The following TSPAN18 variants were observed in gnomAD, a reference collection of about 807,000 sequenced individuals.
TSPAN18 encodes tetraspanin-18.
A neutral mutation model predicts 27.3 loss-of-function variants in TSPAN18; 14 were observed. The observed-to-expected ratio is 0.51, with a 90% CI of 0.34 to 0.80. The LOEUF is 0.80. Among genes scored for constraint, TSPAN18 ranks in the 30% least tolerant of loss-of-function variants. TSPAN18 has a pLI of 0.01. For missense variants in TSPAN18, 268 were observed against 323.9 expected (o/e 0.83, Z 1.32); for synonymous variants, 143 against 136.5 (o/e 1.05, Z -0.33).
intron 3 of TSPAN18, among the ~76,000 whole-genome samples, chr11:44,861,922 C>G (rs146791980): frequency 6.6e-6 from 1 of 152,154 alleles, no homozygotes; most frequent in Non-Finnish European, 1.5e-5. Context: ...AGAGTCCCTG[C>G]ACTCTCTGAT....
intron 8 of TSPAN18, among the ~76,000 whole-genome samples, chr11:44,923,598 C>T (rs952858332): frequency 3.3e-5 from 5 of 152,176 alleles, no homozygotes; most frequent in Non-Finnish European, 1.5e-5. Context: ...GAGGAAAGAC[C>T]GGGAATTTGG....
chr11:44,742,021 C>T (rs1854948627), intron 1 of TSPAN18, among the ~76,000 whole-genome samples: 1 of 150,530 alleles, frequency 6.6e-6, no homozygotes, highest in Admixed American at 6.6e-5. Flanking sequence ...CAATGCCCAG[C>T]AATCCAACCG....
rs71894571 is a variant in TSPAN18, at chr11:44,749,632, C to CTTTTTTT, written c.-239-14778_-239-14772dup. Among the ~76,000 whole-genome samples, 189 of 110,416 alleles carry CTTTTTTT rather than the reference C, an allele frequency of 1.7e-3. 3 individuals carry two copies. The highest frequency in any genetic ancestry group is 6.6e-3 in the African/African-American group (173 of 26,304). The allele number at this position is 110,416 out of a possible 152,430, so 72.4% of individuals were successfully genotyped here. ...TTGTAGCCACAGAACGTGGAACTTT[C>CTTTTTTT]TTTTTTTTTTTTTTTTTTTTTTGAG... On this transcript the variant is annotated intron_variant, in intron 1 of 9. Coordinates refer to ENST00000520358, the MANE Select transcript of TSPAN18 (RefSeq NM_130783.5).
chr11:44,828,385 C>G (rs564005392), intron 2 of TSPAN18, among the ~76,000 whole-genome samples: 1 of 152,258 alleles, frequency 6.6e-6, no homozygotes, highest in East Asian at 1.9e-4. Context: ...CTTCCATGAG[C>G]TGGCTGGAGG....
intron 2 of TSPAN18, among the ~76,000 whole-genome samples, chr11:44,788,456 CTTT>C (rs11458938): frequency 4.7e-5 from 6 of 126,786 alleles, no homozygotes; most frequent in Admixed American, 8.2e-5. Flanking sequence ...CTTTTTTTCT[CTTT>C]TTTTTTTTTT....
At chr11:44,824,764 T>G (rs835825) in intron 2 of TSPAN18, among the ~76,000 whole-genome samples, 97 of 152,222 alleles carry the variant, frequency 6.4e-4, no homozygotes, top group African/African-American at 2.3e-3. Flanking sequence ...GTGGCTGTTA[T>G]TGTTGAGATA....
At chr11:44,754,732 T>C (rs557300399) in intron 1 of TSPAN18, among the ~76,000 whole-genome samples, 6 of 152,332 alleles carry the variant, frequency 3.9e-5, no homozygotes, top group South Asian at 2.1e-4. Flanking sequence ...GATGCCTGAC[T>C]CCTCTGAGCT....
At chr11:44,899,559 G>A (rs1859182582) in intron 3 of TSPAN18, among the ~76,000 whole-genome samples, 2 of 152,218 alleles carry the variant, frequency 1.3e-5, no homozygotes, top group Non-Finnish European at 2.9e-5. Context: ...GAGAGCAGCT[G>A]GGAGGAGCCA....
At chr11:44,884,595 G>T (rs1316746978) in intron 3 of TSPAN18, among the ~76,000 whole-genome samples, 1 of 152,152 alleles carries the variant, frequency 6.6e-6, no homozygotes, top group African/African-American at 2.4e-5. Context: ...CAGGAGTCAC[G>T]GCCAGAGCTC....
intron 2 of TSPAN18, among the ~76,000 whole-genome samples, chr11:44,829,760 ACT>A (rs1289017790): frequency 6.6e-6 from 1 of 151,846 alleles, no homozygotes; most frequent in Non-Finnish European, 1.5e-5. Context: ...AAGCTGCTAA[ACT>A]CTCTTCCAAA....
intron 2 of TSPAN18, among the ~76,000 whole-genome samples, chr11:44,792,756 G>A (rs190603928): frequency 2.9e-4 from 44 of 152,318 alleles, no homozygotes; most frequent in East Asian, 7.7e-4. Flanking sequence ...TCCACCCCGG[G>A]GAAGTAGCCT....
At chr11:44,810,917 A>G (rs142928122) in intron 2 of TSPAN18, among the ~76,000 whole-genome samples, 211 of 152,232 alleles carry the variant, frequency 1.4e-3, no homozygotes, top group African/African-American at 5.0e-3. Context: ...CCTGTTTTCA[A>G]TTCTTTTGAG....
At chr11:44,861,725 T>C (rs960370833) in intron 3 of TSPAN18, among the ~76,000 whole-genome samples, 2 of 150,860 alleles carry the variant, frequency 1.3e-5, no homozygotes, top group African/African-American at 4.9e-5. Flanking sequence ...CTGTGATTTA[T>C]GGTACCAGGG....
In TSPAN18 at chr11:44,930,505, A is replaced by G. The variant is rs1037348577; in HGVS notation, c.*1327A>G. 14 of 241,826 alleles carry G rather than the reference A, an allele frequency of 5.8e-5. No homozygotes were observed. Among genetic ancestry groups the G allele is most frequent in the African/African-American group, 1.8e-4 (8 of 43,664 alleles). 15.0% of individuals were successfully genotyped at this position (241,826 alleles called of 1,614,324 possible). On this transcript the variant is annotated 3_prime_UTR_variant, in exon 10 of 10. Transcript: ENST00000520358. ...AAAGAATCCCGAAGGCATCGAGGCC[A>G]TTTCTGCTGCAACAAGGTTTCCTGT...
intron 2 of TSPAN18, among the ~76,000 whole-genome samples, chr11:44,846,189 A>C (rs548051531): frequency 1.3e-5 from 2 of 152,360 alleles, no homozygotes; most frequent in South Asian, 4.1e-4. Flanking sequence ...TCAGAGGGGT[A>C]AAATGACTTG....
At chr11:44,908,125 G>T (rs1166068781) in intron 4 of TSPAN18, among the ~76,000 whole-genome samples, 1 of 150,992 alleles carries the variant, frequency 6.6e-6, no homozygotes, top group African/African-American at 2.4e-5. Flanking sequence ...CGCTGGCCAT[G>T]CCTGTTAAGT....
chr11:44,802,645 G>A (rs535553983), intron 2 of TSPAN18, among the ~76,000 whole-genome samples: 1 of 116,950 alleles, frequency 8.6e-6, no homozygotes, highest in African/African-American at 3.5e-5. Context: ...ACAGCCTCTG[G>A]CAGGGTGGGC....
chr11:44,824,069 T>C (rs1284162857), intron 2 of TSPAN18, among the ~76,000 whole-genome samples: 2 of 152,182 alleles, frequency 1.3e-5, no homozygotes, highest in Non-Finnish European at 2.9e-5. Context: ...CCTCCTGCTG[T>C]CGGGGTCTTC....
intron 1 of TSPAN18, among the ~76,000 whole-genome samples, chr11:44,742,316 CCTTTCTT>C: frequency 1.8e-5 from 2 of 111,582 alleles, no homozygotes; most frequent in African/African-American, 3.5e-5. Context: ...TCCCTTTTTT[CCTTTCTT>C]CCTTTCTTCC....
Sources: allele counts gnomAD v4.1 joint callset (sites outside exome capture counted in the v4.1 genomes callset), GRCh38; gene constraint gnomAD v4.1.1; transcripts MANE v1.5; gene names NCBI Gene and HGNC (gene_info 2026-07-23, HGNC 2026-07-21).